SLC24A2: variants seen among roughly 807,000 people sequenced by gnomAD.
The protein encoded by SLC24A2 is solute carrier family 24 member 2.
In SLC24A2, 36 loss-of-function variants were observed where a neutral mutation model predicts 62.0. The observed-to-expected ratio is 0.58, with a 90% confidence interval of 0.44 to 0.77. The LOEUF is 0.77. SLC24A2 is among the 30% of genes least tolerant of loss of function. The pLI is 0.00. For synonymous variants in SLC24A2, 358 were observed against 294.0 expected (o/e 1.22, Z -2.23); for missense variants, 846 against 817.9 (o/e 1.03, Z -0.42).
intron 5 of SLC24A2, among the ~76,000 whole-genome samples, chr9:19,588,279 T>C (rs1037350288): frequency 4.0e-5 from 6 of 151,850 alleles, no homozygotes; most frequent in Non-Finnish European, 8.8e-5. Context: ...CTGTATGAGT[T>C]AAGCCATAAA....
the SLC24A2 span, among the ~76,000 whole-genome samples, chr9:20,270,299 C>T: frequency 6.6e-6 from 1 of 152,128 alleles, no homozygotes. Flanking sequence ...TAGCACTGCC[C>T]TTCCATATCT....
chr9:19,865,468 T>C, the SLC24A2 span, among the ~76,000 whole-genome samples: 12 of 152,206 alleles, frequency 7.9e-5, no homozygotes, highest in Non-Finnish European at 1.3e-4. Context: ...TAGAAAGATA[T>C]GGTAATCAAA....
chr9:19,950,405 G>C, the SLC24A2 span, among the ~76,000 whole-genome samples: 1 of 152,108 alleles, frequency 6.6e-6, no homozygotes, highest in Admixed American at 6.5e-5. Flanking sequence ...GGGCCAGCAA[G>C]GTTTTTGCAT....
At chr9:19,732,722 A>T (rs1587237082) in intron 2 of SLC24A2, among the ~76,000 whole-genome samples, 1 of 152,154 alleles carries the variant, frequency 6.6e-6, no homozygotes, top group Non-Finnish European at 1.5e-5. Context: ...CAAATGCAGA[A>T]CCCAGGCCTG....
At chr9:19,547,150 A>G (rs532143565) in intron 8 of SLC24A2, among the ~76,000 whole-genome samples, 1 of 152,328 alleles carries the variant, frequency 6.6e-6, no homozygotes, top group South Asian at 2.1e-4. Flanking sequence ...TAGGTGCTCA[A>G]TAAATATTTG....
At chr9:20,258,815 C>CTATCTATCTAT in the SLC24A2 span, among the ~76,000 whole-genome samples, 10 of 121,180 alleles carry the variant, frequency 8.3e-5, no homozygotes, top group South Asian at 5.0e-4. Flanking sequence ...TATCTATCTA[C>CTATCTATCTAT]CTTATCTATC....
At chr9:19,863,435 G>A in the SLC24A2 span, among the ~76,000 whole-genome samples, 1 of 151,692 alleles carries the variant, frequency 6.6e-6, no homozygotes, top group African/African-American at 2.4e-5. Context: ...ACTGCAGGAT[G>A]GATCATTCTC....
chr9:19,587,532 T>G (rs1836410928), intron 5 of SLC24A2, among the ~76,000 whole-genome samples: 1 of 152,206 alleles, frequency 6.6e-6, no homozygotes, highest in South Asian at 2.1e-4. Flanking sequence ...TGAGAGTCCT[T>G]AACTAAAGGC....
intron 7 of SLC24A2, among the ~76,000 whole-genome samples, chr9:19,553,135 A>T (rs1319172654): frequency 6.6e-6 from 1 of 152,166 alleles, no homozygotes; most frequent in Admixed American, 6.6e-5. Flanking sequence ...CATTAGGTGA[A>T]ATTATCTTTG....
chr9:20,075,339 G>A, the SLC24A2 span, among the ~76,000 whole-genome samples: 1 of 152,190 alleles, frequency 6.6e-6, no homozygotes, highest in Non-Finnish European at 1.5e-5. Context: ...AGAAAATGGA[G>A]GCTTAGAATA....
At chr9:19,822,405 G>A in the SLC24A2 span, among the ~76,000 whole-genome samples, 15 of 152,040 alleles carry the variant, frequency 9.9e-5, no homozygotes, top group African/African-American at 3.6e-4. Flanking sequence ...ATTATTTCTT[G>A]ACAAAGTCCT....
chr9:20,073,792 T>C, the SLC24A2 span, among the ~76,000 whole-genome samples: 11 of 151,734 alleles, frequency 7.2e-5, no homozygotes, highest in African/African-American at 2.4e-4. Context: ...TATATGCATA[T>C]ATGTATACAT....
chr9:19,532,998 T>G (rs1443688030), intron 8 of SLC24A2, among the ~76,000 whole-genome samples: 2 of 152,242 alleles, frequency 1.3e-5, no homozygotes, highest in African/African-American at 4.8e-5. Context: ...TTAGTTCTTT[T>G]ACTTTGGAAA....
chr9:20,276,966 T>A, the SLC24A2 span, among the ~76,000 whole-genome samples: 1 of 152,222 alleles, frequency 6.6e-6, no homozygotes, highest in Non-Finnish European at 1.5e-5. Flanking sequence ...TTTTTCCTCC[T>A]AGGCCTCCTG....
chr9:19,892,139 G>A, the SLC24A2 span, among the ~76,000 whole-genome samples: 1 of 151,972 alleles, frequency 6.6e-6, no homozygotes, highest in East Asian at 1.9e-4. Context: ...CTTTGCACTT[G>A]CTTTTTCTTC....
intron 7 of SLC24A2, among the ~76,000 whole-genome samples, chr9:19,572,375 T>C (rs1835862246): frequency 6.6e-6 from 1 of 151,862 alleles, no homozygotes; most frequent in Non-Finnish European, 1.5e-5. Flanking sequence ...CCAAATCTCA[T>C]CTCAAATTGT....
At chr9:19,519,351 G>C (rs1833083640) in intron 10 of SLC24A2, among the ~76,000 whole-genome samples, 1 of 146,342 alleles carries the variant, frequency 6.8e-6, no homozygotes, top group Non-Finnish European at 1.5e-5. Context: ...AAACTTCCTT[G>C]TGTGTGTGTG....
the SLC24A2 span, among the ~76,000 whole-genome samples, chr9:19,982,972 A>G: frequency 6.6e-6 from 1 of 152,222 alleles, no homozygotes; most frequent in Non-Finnish European, 1.5e-5. Context: ...TCTTTCATGA[A>G]AAAACACTCA....
chr9:19,877,699 C>T, the SLC24A2 span, among the ~76,000 whole-genome samples: 1 of 151,766 alleles, frequency 6.6e-6, no homozygotes, highest in Non-Finnish European at 1.5e-5. Flanking sequence ...GCTCCAGAAA[C>T]ACTCAGAGAC....
Sources: allele counts gnomAD v4.1 joint callset (sites outside exome capture counted in the v4.1 genomes callset), GRCh38; gene constraint gnomAD v4.1.1; transcripts MANE v1.5; gene names NCBI Gene and HGNC (gene_info 2026-07-23, HGNC 2026-07-21).